Variants in ADGRB3 observed in about 807,000 individuals in gnomAD.
The protein encoded by ADGRB3 is brain-specific angiogenesis inhibitor 3.
A neutral mutation model predicts 193.4 loss-of-function variants in ADGRB3; 37 were observed. That is an observed-to-expected ratio of 0.19 (90% CI 0.15 to 0.25). The LOEUF is 0.25. Ranked by LOEUF, ADGRB3 falls within the 10% of genes least tolerant of loss-of-function variation. ADGRB3 has a pLI of 1.00. For synonymous variants in ADGRB3, 690 were observed against 644.2 expected, an observed-to-expected ratio of 1.07 and a Z score of -1.08; for missense variants, 1,637 against 1,852.9, an observed-to-expected ratio of 0.88 and a Z score of 2.14.
chr6:68,688,357 T>C lies in ADGRB3; in HGVS notation c.757+48925T>C, dbSNP rs771665459. Among the ~76,000 whole-genome samples the C allele has an allele frequency of 2.6e-5, 4 of 151,882 alleles. 1 individual carries two copies. The highest frequency in any genetic ancestry group is 4.9e-5 in the African/African-American group (2 of 41,162). ...GTTTCAGCCTAATGTTTAAAGATTT[T>C]ATTTTCTCTTTTAACTTAAATATTC... On this transcript the variant is annotated intron_variant, in intron 3 of 31. Transcript: ENST00000370598.
At chr6:69,092,634 C>T (rs574030157) in intron 17 of ADGRB3, among the ~76,000 whole-genome samples, 22 of 152,248 alleles carry the variant, frequency 1.4e-4, no homozygotes, top group South Asian at 4.1e-4. Flanking sequence ...AGATCCTTCC[C>T]TTAAGAAGTT....
chr6:69,169,982 C>T lies in ADGRB3; in HGVS notation c.2481-63308C>T, dbSNP rs909525523. Among the ~76,000 whole-genome samples the T allele has an allele frequency of 1.3e-5, 2 of 152,072 alleles. 1 individual carries two copies. Among genetic ancestry groups the T allele is most frequent in the African/African-American group, 4.8e-5 (2 of 41,414 alleles). ...CTCTTGGAACCTAACAATTCTACCA[C>T]GAAGTCAGATCGAGAAAACCATTCA... On this transcript the variant is annotated intron_variant, in intron 17 of 31. Transcript: ENST00000370598.
At chr6:69,040,307 C>CTCTTCCTT (rs1554251204) in intron 13 of ADGRB3, among the ~76,000 whole-genome samples, 3 of 94,758 alleles carry the variant, frequency 3.2e-5, no homozygotes, top group South Asian at 3.9e-4. Flanking sequence ...CTTTCTCTGT[C>CTCTTCCTT]TCTTTCTTTC....
At chr6:69,375,540 G>A (rs1464485606) in intron 30 of ADGRB3, among the ~76,000 whole-genome samples, 1 of 152,048 alleles carries the variant, frequency 6.6e-6, no homozygotes, top group African/African-American at 2.4e-5. Flanking sequence ...GGGAAATCAA[G>A]AAGATATCTA....
chr6:69,096,352 T>C (rs1362649989), intron 17 of ADGRB3, among the ~76,000 whole-genome samples: 1 of 137,738 alleles, frequency 7.3e-6, no homozygotes, highest in Non-Finnish European at 1.5e-5. Context: ...AGAGGGTTTT[T>C]ATTGTTTTGG....
intron 3 of ADGRB3, among the ~76,000 whole-genome samples, chr6:68,885,351 T>G (rs1395727776): frequency 6.6e-6 from 1 of 152,194 alleles, no homozygotes; most frequent in Non-Finnish European, 1.5e-5. Flanking sequence ...AATTAAAAAT[T>G]TTAAATAATA....
intron 3 of ADGRB3, among the ~76,000 whole-genome samples, chr6:68,769,412 A>G (rs1044422884): frequency 1.3e-5 from 2 of 152,174 alleles, no homozygotes; most frequent in African/African-American, 4.8e-5. Flanking sequence ...GCTGGAAACC[A>G]TCATTCTCAG....
intron 3 of ADGRB3, among the ~76,000 whole-genome samples, chr6:68,749,567 G>T (rs1407816988): frequency 2.6e-5 from 4 of 151,926 alleles, no homozygotes; most frequent in Admixed American, 6.6e-5. Flanking sequence ...TCAAATAACT[G>T]TATCATGATT....
chr6:69,253,819 T>C (rs867799806), intron 20 of ADGRB3, among the ~76,000 whole-genome samples: 27 of 152,278 alleles, frequency 1.8e-4, no homozygotes, highest in Middle Eastern at 3.4e-3. Flanking sequence ...TAGATTGATT[T>C]ATTTTCTTTG....
chr6:69,351,249 C>A (rs990355913), intron 26 of ADGRB3, among the ~76,000 whole-genome samples: 1 of 151,918 alleles, frequency 6.6e-6, no homozygotes, highest in African/African-American at 2.4e-5. Context: ...CCTGCCACCA[C>A]GCCCTGCTAA....
chr6:68,761,902 G>A (rs1766401018), intron 3 of ADGRB3, among the ~76,000 whole-genome samples: 1 of 152,104 alleles, frequency 6.6e-6, no homozygotes, highest in Admixed American at 6.6e-5. Context: ...TGTTGTATGT[G>A]ACCATTATAT....
intron 3 of ADGRB3, among the ~76,000 whole-genome samples, chr6:68,806,480 A>T (rs1237699315): frequency 6.6e-6 from 1 of 152,066 alleles, no homozygotes; most frequent in Non-Finnish European, 1.5e-5. Flanking sequence ...TTCTTGAGTT[A>T]ATTATAAAGC....
intron 13 of ADGRB3, among the ~76,000 whole-genome samples, chr6:69,042,284 G>A (rs1418616867): frequency 6.6e-6 from 1 of 152,128 alleles, no homozygotes; most frequent in East Asian, 1.9e-4. Context: ...CACGAGAACA[G>A]CCTAATACAC....
chr6:68,821,744 A>G (rs369627650), intron 3 of ADGRB3, among the ~76,000 whole-genome samples: 3 of 151,800 alleles, frequency 2.0e-5, no homozygotes, highest in Admixed American at 1.3e-4. Context: ...GCATTGTTCT[A>G]TTTAAACTTT....
At chr6:68,695,158 G>A (rs1384496737) in intron 3 of ADGRB3, among the ~76,000 whole-genome samples, 1 of 151,918 alleles carries the variant, frequency 6.6e-6, no homozygotes, top group Non-Finnish European at 1.5e-5. Context: ...GCTAGTGGCT[G>A]CAGTATGAGA....
chr6:69,104,192 C>T lies in ADGRB3; in HGVS notation c.2480+28154C>T, dbSNP rs1364333637. Among the ~76,000 whole-genome samples, 14 of 132,694 alleles carry T rather than the reference C, an allele frequency of 1.1e-4. No individual in the cohort carries two copies. The East Asian group carries it at 2.8e-3, about 26-fold the overall frequency. 87.1% of individuals were successfully genotyped at this position (132,694 alleles called of 152,430 possible). A position where few individuals can be genotyped will look rare whatever the true frequency, so the allele number is the denominator to read the frequency against. On this transcript the variant is annotated intron_variant, in intron 17 of 31. Transcript: ENST00000370598. ...CCAATGCTATCCCTCCCCCCTCCCC[C>T]GACCCCACAACAGTCCCCAGAGTGT...
chr6:68,839,953 T>G (rs1768118961), intron 3 of ADGRB3, among the ~76,000 whole-genome samples: 1 of 152,000 alleles, frequency 6.6e-6, no homozygotes, highest in Admixed American at 6.6e-5. Flanking sequence ...TCCTTTCCTT[T>G]TACAGTGGAA....
intron 3 of ADGRB3, among the ~76,000 whole-genome samples, chr6:68,887,498 G>T (rs1327341988): frequency 6.6e-6 from 1 of 152,066 alleles, no homozygotes; most frequent in African/African-American, 2.4e-5. Context: ...TTTCCGGTTA[G>T]CAGACAACAT....
chr6:68,852,500 GACAA>G (rs1332901246), intron 3 of ADGRB3, among the ~76,000 whole-genome samples: 3 of 151,838 alleles, frequency 2.0e-5, no homozygotes, highest in African/African-American at 7.2e-5. Context: ...AAAGAGTATA[GACAA>G]ACACTTTAGC....
Sources: allele counts gnomAD v4.1 joint callset (sites outside exome capture counted in the v4.1 genomes callset), GRCh38; gene constraint gnomAD v4.1.1; transcripts MANE v1.5; gene names NCBI Gene and HGNC (gene_info 2026-07-23, HGNC 2026-07-21).